PREX2: variants seen among roughly 807,000 people sequenced by gnomAD.
PREX2 encodes the protein phosphatidylinositol-3,4,5-trisphosphate dependent Rac exchange factor 2.
Under a neutral mutation model 203.2 loss-of-function variants are expected in PREX2, and 107 were observed. That is an observed-to-expected ratio of 0.53 (90% CI 0.45 to 0.62). PREX2 has a LOEUF of 0.62. Among genes scored for constraint, PREX2 ranks in the 20% least tolerant of loss-of-function variants. The pLI is 0.00. For synonymous variants in PREX2, 672 were observed against 663.6 expected (o/e 1.01, Z -0.19); for missense variants, 1,777 against 1,955.9 (o/e 0.91, Z 1.72).
intron 25 of PREX2, among the ~76,000 whole-genome samples, chr8:68,113,784 T>C (rs1253434573): frequency 6.6e-6 from 1 of 152,194 alleles, no homozygotes; most frequent in Non-Finnish European, 1.5e-5. Context: ...AGTTTACTTG[T>C]TTTTACTTGT....
At position 67,982,916 on chromosome 8, in the gene PREX2, C is replaced by T. The variant is rs796361944; in HGVS notation, c.141+30381C>T. Among the ~76,000 whole-genome samples, 17 of 152,352 alleles carry T rather than the reference C, an allele frequency of 1.1e-4. 2 individuals are homozygous for T. Among genetic ancestry groups the T allele is most frequent in the Admixed American group, 3.9e-4 (6 of 15,310 alleles). ...CTCTCCAATAGACCTCATGCTCATT[C>T]TGGCATGGCCTTTAGCATCTTCTTT... On this transcript the variant is annotated intron_variant, in intron 1 of 39. Transcript: ENST00000288368.
At chr8:67,993,772 G>A (rs1395665338) in intron 1 of PREX2, among the ~76,000 whole-genome samples, 1 of 152,064 alleles carries the variant, frequency 6.6e-6, no homozygotes, top group Non-Finnish European at 1.5e-5. Context: ...ATCACCATGG[G>A]AATACCCACC....
chr8:68,074,085 G>C (rs1418343395), intron 14 of PREX2, among the ~76,000 whole-genome samples: 2 of 151,826 alleles, frequency 1.3e-5, no homozygotes, highest in Non-Finnish European at 2.9e-5. Context: ...TCCTGCCTCA[G>C]CTTCTCAAGT....
chr8:68,134,027 C>T lies in PREX2; in HGVS notation c.3767-32C>T, dbSNP rs370708688. ...GGTTTTCACCATCTGCAACATTTTT[C>T]GAAGCATTCTCTATGTTCTCTTTGA... is the stretch of plus-strand genomic sequence containing the variant. On this transcript the variant is annotated intron_variant, in intron 31 of 39. Coordinates refer to ENST00000288368, the MANE Select transcript of PREX2 (RefSeq NM_024870.4). 63 of 1,567,494 alleles carry T rather than the reference C, an allele frequency of 4.0e-5. No homozygotes were observed. The African/African-American group carries it at 7.3e-4, about 18-fold the overall frequency.
chr8:67,975,135 C>T (rs141868005), intron 1 of PREX2, among the ~76,000 whole-genome samples: 21 of 152,250 alleles, frequency 1.4e-4, no homozygotes, highest in South Asian at 2.1e-4. Context: ...TTTTGTCCCT[C>T]GCTTTCTCAA....
intron 37 of PREX2, among the ~76,000 whole-genome samples, chr8:68,199,935 A>G (rs915450335): frequency 6.6e-6 from 1 of 152,214 alleles, no homozygotes; most frequent in African/African-American, 2.4e-5. Context: ...CTACTGCACA[A>G]TGAAGACGTA....
intron 1 of PREX2, among the ~76,000 whole-genome samples, chr8:67,993,411 TC>T (rs35648681): frequency 4.8e-5 from 7 of 145,292 alleles, no homozygotes; most frequent in South Asian, 4.3e-4. Flanking sequence ...TTTTTTTTTT[TC>T]TTTTTTTTTT....
At chr8:67,965,507 ATG>A (rs371245321) in intron 1 of PREX2, among the ~76,000 whole-genome samples, 1 of 63,386 alleles carries the variant, frequency 1.6e-5, no homozygotes, top group Non-Finnish European at 3.2e-5. Flanking sequence ...GTATATATAT[ATG>A]TGTGTGTATA....
At chr8:68,011,773 A>G (rs778435948) in intron 1 of PREX2, among the ~76,000 whole-genome samples, 19 of 152,162 alleles carry the variant, frequency 1.2e-4, no homozygotes, top group Non-Finnish European at 2.6e-4. Context: ...GAAGCTAAAT[A>G]TCCTGTTAAA....
chr8:68,037,360 G>A (rs1808064355), intron 6 of PREX2, among the ~76,000 whole-genome samples: 1 of 152,044 alleles, frequency 6.6e-6, no homozygotes, highest in African/African-American at 2.4e-5. Flanking sequence ...AGATTAGGTT[G>A]TAAAAACAAA....
chr8:68,082,444 A>C (rs1809558482), intron 17 of PREX2: 1 of 152,136 alleles, frequency 6.6e-6, no homozygotes, highest in Admixed American at 6.5e-5. Flanking sequence ...AAACAAAATA[A>C]CTCTGATCAA....
intron 1 of PREX2, among the ~76,000 whole-genome samples, chr8:67,978,506 T>C (rs1806174237): frequency 6.6e-6 from 1 of 152,182 alleles, no homozygotes; most frequent in Non-Finnish European, 1.5e-5. Context: ...CTTACTATGT[T>C]TGTGGGATTA....
intron 31 of PREX2, among the ~76,000 whole-genome samples, chr8:68,131,035 A>G (rs993538883): frequency 2.0e-5 from 3 of 152,224 alleles, no homozygotes; most frequent in Non-Finnish European, 4.4e-5. Flanking sequence ...GCCATAGGGC[A>G]TTTGGTATTT....
At chr8:68,021,386 A>G (rs547509997) in intron 3 of PREX2, among the ~76,000 whole-genome samples, 107 of 152,316 alleles carry the variant, frequency 7.0e-4, no homozygotes, top group Non-Finnish European at 1.4e-3. Context: ...TTCTATACCT[A>G]CAAATATGAC....
chr8:68,039,408 C>T (rs974917652), intron 7 of PREX2, among the ~76,000 whole-genome samples: 2 of 152,080 alleles, frequency 1.3e-5, no homozygotes, highest in Non-Finnish European at 2.9e-5. Flanking sequence ...GTTATTATAC[C>T]CCACTCTCTT....
chr8:67,993,274 G>A (rs1806660318), intron 1 of PREX2, among the ~76,000 whole-genome samples: 1 of 152,032 alleles, frequency 6.6e-6, no homozygotes, highest in South Asian at 2.1e-4. Context: ...CCAGATAATA[G>A]CATCCATTTG....
intron 38 of PREX2, among the ~76,000 whole-genome samples, chr8:68,221,243 T>C (rs1272434276): frequency 6.6e-6 from 1 of 152,232 alleles, no homozygotes; most frequent in African/African-American, 2.4e-5. Context: ...ATGTACCACA[T>C]GTTTTTTATC....
intron 35 of PREX2, among the ~76,000 whole-genome samples, chr8:68,169,848 C>A (rs963312297): frequency 6.6e-6 from 1 of 151,934 alleles, no homozygotes; most frequent in South Asian, 2.1e-4. Context: ...TTTATCCAGT[C>A]GATGTTCAGG....
intron 8 of PREX2, among the ~76,000 whole-genome samples, chr8:68,052,510 A>T (rs897938218): frequency 1.3e-5 from 2 of 152,224 alleles, no homozygotes; most frequent in Non-Finnish European, 2.9e-5. Flanking sequence ...CTTAAATGGA[A>T]TGAAGTGGCT....
Sources: gnomAD v4.1 joint callset for allele counts (sites outside exome capture counted in the v4.1 genomes callset) on GRCh38, gnomAD v4.1.1 for gene constraint, MANE v1.5 for transcripts, NCBI Gene and HGNC (gene_info 2026-07-23, HGNC 2026-07-21) for gene names.